The following UNC79 variants were observed in gnomAD, a reference collection of about 807,000 sequenced individuals.
The protein encoded by UNC79 is protein unc-79 homolog.
Under a neutral mutation model 283.1 loss-of-function variants are expected in UNC79, and 37 were observed. The observed-to-expected ratio is 0.13, with a 90% CI of 0.10 to 0.17. UNC79 has a LOEUF of 0.17. Among genes scored for constraint, UNC79 ranks in the 10% least tolerant of loss-of-function variants. UNC79 has a pLI of 1.00. For synonymous variants in UNC79, 1,107 were observed against 1,200.2 expected (o/e 0.92, Z 1.61); for missense variants, 2,272 against 3,211.1 (o/e 0.71, Z 7.07).
intron 7 of UNC79, among the ~76,000 whole-genome samples, chr14:93,506,047 G>T (rs1361316661): frequency 6.6e-6 from 1 of 151,296 alleles, no homozygotes; most frequent in East Asian, 1.9e-4. Flanking sequence ...CCTTTTTCTT[G>T]CTATTTTCCC....
At chr14:93,470,024 A>G (rs141730650) in intron 2 of UNC79, among the ~76,000 whole-genome samples, 28 of 152,324 alleles carry the variant, frequency 1.8e-4, no homozygotes, top group African/African-American at 5.5e-4. Flanking sequence ...TTATTAAAGC[A>G]TTTAATATGA....
intron 32 of UNC79, among the ~76,000 whole-genome samples, chr14:93,638,398 G>A (rs1268559190): frequency 6.6e-6 from 1 of 152,220 alleles, no homozygotes; most frequent in East Asian, 1.9e-4. Flanking sequence ...TTTGGTGCTT[G>A]TTCATGATCT....
intron 1 of UNC79, among the ~76,000 whole-genome samples, chr14:93,344,296 TC>T (rs1349387589): frequency 6.6e-6 from 1 of 152,216 alleles, no homozygotes; most frequent in Non-Finnish European, 1.5e-5. Context: ...TTGACTAATA[TC>T]GTCTTTCTTA....
intron 20 of UNC79, among the ~76,000 whole-genome samples, chr14:93,582,809 A>G (rs2063912500): frequency 6.6e-6 from 1 of 152,050 alleles, no homozygotes; most frequent in Admixed American, 6.5e-5. Flanking sequence ...TCTTGGGTGG[A>G]CGCAATGGGG....
intron 7 of UNC79, among the ~76,000 whole-genome samples, chr14:93,503,459 T>TA (rs1365299019): frequency 6.6e-6 from 1 of 152,134 alleles, no homozygotes; most frequent in Non-Finnish European, 1.5e-5. Context: ...TATCCAACTT[T>TA]AATGGATAAT....
intron 17 of UNC79, among the ~76,000 whole-genome samples, chr14:93,577,192 T>G (rs1037928264): frequency 6.6e-6 from 1 of 151,866 alleles, no homozygotes; most frequent in Non-Finnish European, 1.5e-5. Flanking sequence ...AGAGCAAGAC[T>G]GTCCCAAAAC....
In UNC79 at chr14:93,487,878, CT is replaced by C. The variant is rs2058524274; in HGVS notation, c.712+127del. The C allele has an allele frequency of 8.2e-6, 7 of 856,616 alleles. No individual in the cohort carries two copies. In the African/African-American group the frequency reaches 1.2e-4, roughly 14 times the overall value. The allele number at this position is 856,616 out of a possible 1,614,324, so 53.1% of individuals were successfully genotyped here. A position where few individuals can be genotyped will look rare whatever the true frequency, so the allele number is the denominator to read the frequency against. ...ATCATAGAGATGTGTAGAAAACAGA[CT>C]TTTGAGTTGGAATCAATTTATCTTG... On this transcript the variant is annotated intron_variant, in intron 5 of 48. Coordinates refer to ENST00000555664, the Ensembl canonical transcript of UNC79.
At chr14:93,572,008 A>G (rs1294607575) in exon 15 of UNC79, 14 of 1,614,192 alleles carry the variant, frequency 8.7e-6, no homozygotes, top group Non-Finnish European at 1.1e-5. Flanking sequence ...CTGGGAGTGT[A>G]TTATGCCGGA....
chr14:93,537,605 G>A (rs948439547), intron 11 of UNC79, among the ~76,000 whole-genome samples: 1 of 152,208 alleles, frequency 6.6e-6, no homozygotes, highest in African/African-American at 2.4e-5. Flanking sequence ...GTGCTGTGAT[G>A]TTGCACTCTC....
At chr14:93,382,019 A>AAACT in intron 1 of UNC79, among the ~76,000 whole-genome samples, 1 of 152,322 alleles carries the variant, frequency 6.6e-6, no homozygotes, top group South Asian at 2.1e-4. Flanking sequence ...AGGAAAGGAG[A>AAACT]AACTTTAAAT....
chr14:93,632,328 G>A (rs2140092919), intron 31 of UNC79, among the ~76,000 whole-genome samples: 1 of 152,296 alleles, frequency 6.6e-6, no homozygotes, highest in Admixed American at 6.5e-5. Flanking sequence ...TAGATCACAT[G>A]ATAAAATGCC....
At chr14:93,362,407 G>C (rs2054246155) in intron 1 of UNC79, among the ~76,000 whole-genome samples, 2 of 152,046 alleles carry the variant, frequency 1.3e-5, no homozygotes, top group Non-Finnish European at 2.9e-5. Flanking sequence ...GGAGTGCAAT[G>C]GCGCTATCTT....
intron 30 of UNC79, among the ~76,000 whole-genome samples, chr14:93,624,440 T>C (rs2067390421): frequency 6.6e-6 from 1 of 152,106 alleles, no homozygotes; most frequent in South Asian, 2.1e-4. Context: ...GGCATTGACC[T>C]AGAAATGATA....
intron 1 of UNC79, among the ~76,000 whole-genome samples, chr14:93,375,739 G>C (rs2054542207): frequency 1.3e-5 from 2 of 152,100 alleles, no homozygotes; most frequent in Admixed American, 1.3e-4. Context: ...TGTCATGAGA[G>C]CTCTATCACG....
In UNC79 at chr14:93,696,524, C is replaced by A. The variant is rs536956602; in HGVS notation, c.7548+2112C>A. Among the ~76,000 whole-genome samples the A allele has an allele frequency of 4.9e-4, 74 of 152,290 alleles. No individual in the cohort carries two copies. In the South Asian group the frequency reaches 0.011, roughly 22 times the overall value. On this transcript the variant is annotated intron_variant, in intron 47 of 48. Coordinates refer to ENST00000555664, the Ensembl canonical transcript of UNC79. ...TATTAATTATTCTAAGAGTTGTGTACTGGTATCTTGTTGTGGTTTTAAATA... is the reference window on the plus strand; with the variant it reads ...TATTAATTATTCTAAGAGTTGTGTAATGGTATCTTGTTGTGGTTTTAAATA...
chr14:93,404,313 T>C (rs969018060), intron 1 of UNC79, among the ~76,000 whole-genome samples: 35 of 112,514 alleles, frequency 3.1e-4, no homozygotes, highest in Middle Eastern at 5.2e-3. Flanking sequence ...AGTGAGACCC[T>C]GTTTCTACAA....
chr14:93,678,448 GTAGA>G (rs1156453750), intron 41 of UNC79, among the ~76,000 whole-genome samples: 1 of 152,196 alleles, frequency 6.6e-6, no homozygotes, highest in Non-Finnish European at 1.5e-5. Context: ...ATTAATAACA[GTAGA>G]TAGATGAGCT....
At chr14:93,587,018 G>A (rs2064269214) in intron 22 of UNC79, 110 bp downstream of exon 22, 1 of 1,360,310 alleles carries the variant, frequency 7.4e-7, no homozygotes, top group Non-Finnish European at 9.9e-7. Context: ...TTTGAGCCAG[G>A]ACAGCTCGAT....
chr14:93,357,517 G>A (rs2054110194), intron 1 of UNC79, among the ~76,000 whole-genome samples: 1 of 151,420 alleles, frequency 6.6e-6, no homozygotes, highest in African/African-American at 2.4e-5. Context: ...TAGCCTCCCA[G>A]CCTAAATCTT....
Sources: allele counts gnomAD v4.1 joint callset (sites outside exome capture counted in the v4.1 genomes callset), GRCh38; gene constraint gnomAD v4.1.1; transcripts MANE v1.5; gene names NCBI Gene and HGNC (gene_info 2026-07-23, HGNC 2026-07-21).